Variants in SAMSN1 observed in about 807,000 individuals in gnomAD.
SAMSN1 encodes the protein SAM domain-containing protein SAMSN-1.
In SAMSN1, 31 loss-of-function variants were observed where a neutral mutation model predicts 42.0. The ratio of observed to expected loss-of-function variants is 0.74; its 90% CI spans 0.55 to 1.00. The LOEUF (loss-of-function observed/expected upper bound fraction) is 1.00, where lower values mean the gene tolerates loss of function less well. Among genes scored for constraint, SAMSN1 ranks in the 50% least tolerant of loss-of-function variants. The pLI is 0.00. For missense variants in SAMSN1, 464 were observed against 439.4 expected, an observed-to-expected ratio of 1.06 and a Z score of -0.50; for synonymous variants, 178 against 151.9, an observed-to-expected ratio of 1.17 and a Z score of -1.26.
At chr21:14,650,404 T>C (rs779251159) in intron 1 of SAMSN1, among the ~76,000 whole-genome samples, 12 of 152,046 alleles carry the variant, frequency 7.9e-5, no homozygotes, top group Non-Finnish European at 1.2e-4. Flanking sequence ...CTATACAACA[T>C]GGAAATTAAA....
At chr21:14,536,569 C>T (rs933905513) in intron 1 of SAMSN1, among the ~76,000 whole-genome samples, 3 of 152,042 alleles carry the variant, frequency 2.0e-5, no homozygotes, top group East Asian at 1.9e-4. Context: ...TTCTGTAAAA[C>T]GGAAAAGCTA....
chr21:14,590,265 A>AT (rs112933071), intron 7 of SAMSN1, among the ~76,000 whole-genome samples: 20 of 73,246 alleles, frequency 2.7e-4, no homozygotes, highest in South Asian at 9.6e-4. Flanking sequence ...TAATTGGGAG[A>AT]ATTTTTTTTT....
upstream of SAMSN1, among the ~76,000 whole-genome samples, chr21:14,585,748 G>A (rs1253391617): frequency 2.6e-5 from 4 of 152,190 alleles, no homozygotes; most frequent in East Asian, 5.8e-4. Context: ...AATATGTACT[G>A]AATGTAAATA....
intron 7 of SAMSN1, among the ~76,000 whole-genome samples, chr21:14,590,661 G>A (rs1600949169): frequency 6.6e-6 from 1 of 152,140 alleles, no homozygotes; most frequent in Non-Finnish European, 1.5e-5. Flanking sequence ...AAGGACAGAA[G>A]TATTCAATTT....
chr21:14,623,467 G>T (rs1025343744), intron 2 of SAMSN1, among the ~76,000 whole-genome samples: 5 of 152,126 alleles, frequency 3.3e-5, no homozygotes, highest in African/African-American at 1.2e-4. Context: ...AAAGGCAGGG[G>T]TTGCAATCCT....
At chr21:14,655,187 A>G (rs1273204114) in intron 1 of SAMSN1, among the ~76,000 whole-genome samples, 1 of 151,912 alleles carries the variant, frequency 6.6e-6, no homozygotes. Context: ...ACAGAAATTT[A>G]TATTAAATAA....
At chr21:14,569,983 T>TCC (rs1568812925) in intron 2 of SAMSN1, among the ~76,000 whole-genome samples, 1 of 113,320 alleles carries the variant, frequency 8.8e-6, no homozygotes, top group African/African-American at 4.0e-5. Flanking sequence ...TTTAACCACT[T>TCC]TCCCCCCCCC....
At position 14,513,855 on chromosome 21, in the gene SAMSN1, T is replaced by A. The variant is rs538445094; in HGVS notation, c.280-1282A>T. 3.9e-5 allele frequency among the ~76,000 whole-genome samples: 6 copies of A among 152,310 alleles called. No homozygotes were observed. The South Asian group carries it at 6.2e-4, about 16-fold the overall frequency. On this transcript the variant is annotated intron_variant, in intron 3 of 7. Coordinates refer to ENST00000400566, the MANE Select transcript of SAMSN1 (RefSeq NM_022136.5). ...TGTGCAGGGAAAACAGCAAGGCTAA[T>A]GTAGTGTGAGAAAGGAGAATATTAG...
intron 2 of SAMSN1, among the ~76,000 whole-genome samples, chr21:14,553,203 A>G (rs1341614993): frequency 1.3e-5 from 2 of 152,022 alleles, no homozygotes; most frequent in African/African-American, 4.8e-5. Context: ...TTGTTAAATC[A>G]TTAGTCACTA....
intron 2 of SAMSN1, among the ~76,000 whole-genome samples, chr21:14,560,579 T>C (rs1187570756): frequency 2.0e-5 from 3 of 152,220 alleles, no homozygotes; most frequent in Admixed American, 6.5e-5. Context: ...CTGCATTCTG[T>C]TTGTCTGTTT....
In SAMSN1 at chr21:14,577,638, G is replaced by A. The variant is rs143592338; in HGVS notation, c.261+4498C>T. On this transcript the variant is annotated intron_variant, in intron 2 of 8. Transcript: ENST00000285670. The stretch of plus-strand genomic sequence containing the variant: ...CCATGCTCTTAGCTTACAGAGCTTC[G>A]TAAGTACTCTTCAGTTATTCTTCTT... Among the ~76,000 whole-genome samples, 35 of 151,876 alleles carry A rather than the reference G, an allele frequency of 2.3e-4. No individual in the cohort carries two copies. The East Asian group carries it at 2.5e-3, about 11-fold the overall frequency.
At chr21:14,615,046 C>A (rs74759967) in intron 3 of SAMSN1, among the ~76,000 whole-genome samples, 3,978 of 152,166 alleles carry the variant, frequency 0.026, 105 homozygotes, top group South Asian at 0.08. Context: ...TGTTTAAGTA[C>A]GTTCCTTGGA....
intron 2 of SAMSN1, among the ~76,000 whole-genome samples, chr21:14,574,104 G>A (rs147401812): frequency 9.2e-5 from 14 of 152,234 alleles, no homozygotes; most frequent in African/African-American, 3.1e-4. Flanking sequence ...CAGCTTTGGT[G>A]ATTTGCTTCC....
At chr21:14,594,925 C>T (rs1982212446) in intron 6 of SAMSN1, among the ~76,000 whole-genome samples, 1 of 152,086 alleles carries the variant, frequency 6.6e-6, no homozygotes, top group African/African-American at 2.4e-5. Context: ...GTACAAGAAA[C>T]ATAGTGGCTT....
chr21:14,578,386 G>C (rs1465013723), intron 2 of SAMSN1, among the ~76,000 whole-genome samples: 1 of 152,066 alleles, frequency 6.6e-6, no homozygotes, highest in African/African-American at 2.4e-5. Flanking sequence ...GGTGAACAAG[G>C]ACTTCCTCAA....
At chr21:14,604,138 C>G (rs752204354) in intron 5 of SAMSN1, among the ~76,000 whole-genome samples, 2 of 152,100 alleles carry the variant, frequency 1.3e-5, no homozygotes, top group East Asian at 3.8e-4. Flanking sequence ...TTTATGATTC[C>G]CAAATATTAC....
intron 2 of SAMSN1, among the ~76,000 whole-genome samples, chr21:14,636,693 C>CA (rs1335464643): frequency 9.9e-5 from 15 of 151,766 alleles, no homozygotes; most frequent in Middle Eastern, 3.2e-3. Flanking sequence ...TATTAAAATA[C>CA]AAAAAATTAG....
At chr21:14,514,703 G>C (rs1220622048) in intron 3 of SAMSN1, among the ~76,000 whole-genome samples, 2 of 152,098 alleles carry the variant, frequency 1.3e-5, no homozygotes, top group Admixed American at 6.5e-5. Flanking sequence ...TTATTTTGGG[G>C]ATCAGTGTTG....
At chr21:14,543,624 A>T (rs1453476841) in intron 1 of SAMSN1, among the ~76,000 whole-genome samples, 13 of 152,208 alleles carry the variant, frequency 8.5e-5, no homozygotes, top group Admixed American at 3.3e-4. Flanking sequence ...AATTGAGGTA[A>T]CATTAGTTAT....
Sources: gnomAD v4.1 joint callset for allele counts (sites outside exome capture counted in the v4.1 genomes callset) on GRCh38, gnomAD v4.1.1 for gene constraint, MANE v1.5 for transcripts, NCBI Gene and HGNC (gene_info 2026-07-23, HGNC 2026-07-21) for gene names.